The following ANKRD26 variants were observed in gnomAD, a reference collection of about 807,000 sequenced individuals.
The protein encoded by ANKRD26 is ankyrin repeat domain 26, also known as ankyrin repeat domain-containing protein 26.
Under a neutral mutation model 208.7 loss-of-function variants are expected in ANKRD26, and 141 were observed. That is an observed-to-expected ratio of 0.68 (90% CI 0.59 to 0.78). The LOEUF (loss-of-function observed/expected upper bound fraction) is 0.78. ANKRD26 is among the 30% of genes least tolerant of loss of function. The pLI is 0.00. For missense variants in ANKRD26, 1,889 were observed against 1,938.7 expected, an observed-to-expected ratio of 0.97 and a Z score of 0.48; for synonymous variants, 636 against 660.4, an observed-to-expected ratio of 0.96 and a Z score of 0.57.
At chr10:26,989,576 C>G (rs2052449648), downstream of ANKRD26, among the ~76,000 whole-genome samples, 1 of 152,194 alleles carries the variant, frequency 6.6e-6, no homozygotes, top group South Asian at 2.1e-4. Context: ...ATTCTTTATG[C>G]TTCGCAACTC....
chr10:27,092,460 A>G lies in ANKRD26; in HGVS notation c.584T>C (p.Val195Ala), dbSNP rs749051822. 1.4e-5 allele frequency: 22 copies of G among 1,613,740 alleles called. No individual in the cohort carries two copies. The African/African-American group carries it at 2.8e-4, about 21-fold the overall frequency. ...TGCTTTTTTCTTTATTAAAAATTCC[A>G]CCATTTGCTGCTTTTTTCCACTTAC... ...LAVSGKKQQM[V>A]EFLIKKKANV... The change falls in exon 4 of 34, where the codon GTG (valine) becomes GCG (alanine). Residue 195 changes from valine to alanine, a missense_variant. Physicochemically the swap from Val to Ala is moderately conservative, Grantham distance 64 (BLOSUM62 0). Around this residue, in one of 3 missense-constraint regions of ANKRD26, gnomAD observed 1,272 missense variants for 1,273.8 expected, o/e 1.00. Transcript: ENST00000376087.
intron 9 of ANKRD26, among the ~76,000 whole-genome samples, chr10:27,074,996 T>A (rs1187587261): frequency 6.6e-6 from 1 of 152,018 alleles, no homozygotes; most frequent in Non-Finnish European, 1.5e-5. Context: ...CTAAGTTTCA[T>A]AAATGAAGGA....
downstream of ANKRD26, among the ~76,000 whole-genome samples, chr10:26,970,559 C>T (rs2052128620): frequency 6.6e-6 from 1 of 152,186 alleles, no homozygotes; most frequent in African/African-American, 2.4e-5. Context: ...GAAGCCAATG[C>T]TACTATACTT....
In ANKRD26 at chr10:27,035,590, C is replaced by T; in HGVS notation, c.2860G>A (p.Glu954Lys). Residue 954 changes from glutamate (E) to lysine (K), a missense_variant, in exon 24 of 34, where the codon GAA becomes AAA. Glu to Lys is a moderately conservative substitution (Grantham distance 56, BLOSUM62 1). Transcript: ENST00000376087. ...EDLKIVKEKN[E>K]DLQKTIKQNE... ...TGTTTTATAGTCTTCTGAAGGTCTT[C>T]ATTCTTTTCTTTTACAATTTTAAGG... 1 of 1,607,628 alleles carries T rather than the reference C, an allele frequency of 6.2e-7. No homozygotes were observed. Among genetic ancestry groups the T allele is most frequent in the South Asian group, 1.1e-5 (1 of 88,762 alleles).
At chr10:26,948,130 A>G in the ANKRD26 span, among the ~76,000 whole-genome samples, 2 of 152,168 alleles carry the variant, frequency 1.3e-5, no homozygotes, top group East Asian at 3.8e-4. Context: ...TAATACAGAC[A>G]AGGTTTCACA....
At chr10:27,042,503 C>A (rs979977135) in intron 20 of ANKRD26, among the ~76,000 whole-genome samples, 1 of 152,134 alleles carries the variant, frequency 6.6e-6, no homozygotes, top group African/African-American at 2.4e-5. Context: ...CCTGTAATCC[C>A]AGCACTTTGG....
Position 27,093,492 on chromosome 10 carries a change from T to G in ANKRD26, c.388A>C (p.Thr130Pro), listed in dbSNP as rs757944325. 1.2e-6 allele frequency: 2 copies of G among 1,614,210 alleles called. No homozygotes were observed. The highest frequency in any genetic ancestry group is 1.7e-6 in the Non-Finnish European group (2 of 1,180,036). The change falls in exon 3 of 34, where the codon ACT (threonine) becomes CCT (proline). Residue 130 changes from threonine to proline, a missense_variant. Transcript: ENST00000376087. ...TCAGCACCATGTTCTAGCAGAATAG[T>G]TGCACATTTCTCTTCCTGGCATTGT... ...AVQCQEEKCA[T>P]ILLEHGADPN...
chr10:27,061,909 T>C, intron 12 of ANKRD26: 2 of 969,140 alleles, frequency 2.1e-6, no homozygotes, highest in Non-Finnish European at 2.5e-6. Flanking sequence ...AAAGGAGATA[T>C]GAATCACTGT....
At chr10:27,007,065 GACTAC>G in intron 32 of ANKRD26, 103 bp from the exon 33 acceptor site, 1 of 768,166 alleles carries the variant, frequency 1.3e-6, no homozygotes, top group East Asian at 2.5e-5. Flanking sequence ...TACTCTTAAA[GACTAC>G]ACTTAACTTG....
chr10:27,082,873 T>C lies in ANKRD26; in HGVS notation c.710-40A>G, dbSNP rs373143073. The C allele has an allele frequency of 7.5e-4, 1,165 of 1,556,608 alleles. 2 individuals carry two copies. The highest frequency in any genetic ancestry group is 9.5e-4 in the Non-Finnish European group (1,094 of 1,148,670). ...AGTAAAACACACTTTAAATCAACAA[T>C]AGAAAAATATATAAAATTTAAAGCA... On this transcript the variant is annotated intron_variant, in intron 5 of 33. Coordinates refer to ENST00000376087, the MANE Select transcript of ANKRD26 (RefSeq NM_014915.3).
At chr10:27,023,998 A>G (rs963284626) in intron 28 of ANKRD26, among the ~76,000 whole-genome samples, 3 of 151,810 alleles carry the variant, frequency 2.0e-5, no homozygotes, top group African/African-American at 7.3e-5. Flanking sequence ...ACACACACAC[A>G]CACACACACA....
chr10:27,093,416 T>C lies in ANKRD26; in HGVS notation c.464A>G (p.Tyr155Cys), dbSNP rs572817106. The C allele has an allele frequency of 2.5e-6, 4 of 1,614,208 alleles. No homozygotes were observed. The highest frequency in any genetic ancestry group is 1.1e-5 in the South Asian group (1 of 91,088). Residue 155 changes from tyrosine to cysteine, a missense_variant, in exon 3 of 34, where the codon TAT becomes TGT. This residue lies in a region of ANKRD26 where 1,272 missense variants were observed against 1,273.8 expected (regional missense o/e 1.00). Coordinates refer to ENST00000376087, the MANE Select transcript of ANKRD26 (RefSeq NM_014915.3). Reference sequence around the variant, plus strand: ...TGTTGCTACTGATATGTCCTCATTATAGACAGCATAGTGAAGAGCAGTGTT... The same window carrying C: ...TGTTGCTACTGATATGTCCTCATTACAGACAGCATAGTGAAGAGCAGTGTT... ...HGNTALHYAV[Y>C]NEDISVATKL... is the part of the protein sequence containing the mutation.
intron 4 of ANKRD26, chr10:26,995,199 T>G (rs890864542): frequency 1.1e-5 from 5 of 470,770 alleles, no homozygotes; most frequent in Non-Finnish European, 2.2e-5. Context: ...TGATAATATT[T>G]GGAGATAAAA....
chr10:26,948,659 C>G, the ANKRD26 span, among the ~76,000 whole-genome samples: 1 of 152,108 alleles, frequency 6.6e-6, no homozygotes, highest in East Asian at 1.9e-4. Context: ...TTTTGATAAA[C>G]CACATGAGTT....
In ANKRD26 at chr10:27,086,611, T is replaced by C; in HGVS notation, c.639-2A>G. ...TATTCTGAAATTAGTTGGTGACTGC[T>C]ATGTATAGAAAAATGTAACAAAATT... On this transcript the variant is annotated splice_acceptor_variant, in intron 4 of 33. Transcript: ENST00000376087. LOFTEE classifies it high-confidence loss of function. 4 of 1,601,800 alleles carry C rather than the reference T, an allele frequency of 2.5e-6. No homozygotes were observed. The highest frequency in any genetic ancestry group is 1.1e-5 in the South Asian group (1 of 89,966).
At chr10:27,019,017 A>G (rs1189763706) in intron 29 of ANKRD26, among the ~76,000 whole-genome samples, 1 of 152,158 alleles carries the variant, frequency 6.6e-6, no homozygotes, top group East Asian at 1.9e-4. Flanking sequence ...TGGCTCACTG[A>G]GCCTGTAAAT....
chr10:26,956,020 ACTAT>A, the ANKRD26 span, among the ~76,000 whole-genome samples: 8 of 152,154 alleles, frequency 5.3e-5, no homozygotes, highest in Non-Finnish European at 7.3e-5. Context: ...ATTATAAATG[ACTAT>A]CTGTGTTTAA....
Position 27,005,360 on chromosome 10 carries a change from C to T in ANKRD26, c.*230G>A. 8.1e-7 allele frequency: 1 copy of T among 1,237,720 alleles called. No individual in the cohort carries two copies. Among genetic ancestry groups the T allele is most frequent in the Non-Finnish European group, 1.0e-6 (1 of 984,822 alleles). 76.7% of individuals were successfully genotyped at this position (1,237,720 alleles called of 1,614,324 possible). ...CTTAGTGGTTTGGCTGTTTAAACAG[C>T]TCACATTTGGGCAGTTTGAGTATGT... On this transcript the variant is annotated 3_prime_UTR_variant, in exon 34 of 34. Coordinates refer to ENST00000376087, the MANE Select transcript of ANKRD26 (RefSeq NM_014915.3).
At chr10:26,988,615 G>T (rs1226902465), downstream of ANKRD26, among the ~76,000 whole-genome samples, 3 of 152,140 alleles carry the variant, frequency 2.0e-5, no homozygotes, top group East Asian at 5.8e-4. Flanking sequence ...TGGCTGTGTG[G>T]ATCTACAGGA....
Sources: allele counts gnomAD v4.1 joint callset (sites outside exome capture counted in the v4.1 genomes callset), GRCh38; gene constraint gnomAD v4.1.1; regional missense constraint gnomAD v4.1.1; transcripts MANE v1.5; gene names NCBI Gene and HGNC (gene_info 2026-07-23, HGNC 2026-07-21).